Variants in GAREM1 observed in about 807,000 individuals in gnomAD.
The protein encoded by GAREM1 is GRB2 associated regulator of MAPK1 subtype 1, also known as GRB2-associated and regulator of MAPK protein 1.
GAREM1 carries 26 observed loss-of-function variants against 71.3 expected under a neutral mutation model. The observed-to-expected ratio is 0.36, with a 90% CI of 0.27 to 0.51. GAREM1 has a LOEUF of 0.51. Among genes scored for constraint, GAREM1 ranks in the 20% least tolerant of loss-of-function variants. The pLI is 0.95. For missense variants in GAREM1, 1,026 were observed against 1,103.1 expected (o/e 0.93, Z 0.99); for synonymous variants, 440 against 433.2 (o/e 1.02, Z -0.20).
rs532259529 is a variant in GAREM1, at chr18:32,320,711, G to C, written c.263-10388C>G. Among the ~76,000 whole-genome samples, 164 of 152,256 alleles carry C rather than the reference G, an allele frequency of 1.1e-3. 1 individual carries two copies. Among genetic ancestry groups the C allele is most frequent in the African/African-American group, 3.7e-3 (153 of 41,532 alleles). ...CCATTCTTGAACTTAACTAGGCCCAGAATTCAAAACTCAACCATTCTGGGA... is the reference window on the plus strand; with the variant it reads ...CCATTCTTGAACTTAACTAGGCCCACAATTCAAAACTCAACCATTCTGGGA... On this transcript the variant is annotated intron_variant, in intron 2 of 5. Transcript: ENST00000269209.
chr18:32,272,555 AGTT>A, intron 4 of GAREM1, among the ~76,000 whole-genome samples: 1 of 152,228 alleles, frequency 6.6e-6, no homozygotes, highest in Non-Finnish European at 1.5e-5. Flanking sequence ...GAGGAAATGA[AGTT>A]TGGATAATCA....
chr18:32,271,930 T>A (rs1019634335), intron 4 of GAREM1, among the ~76,000 whole-genome samples: 11 of 152,206 alleles, frequency 7.2e-5, no homozygotes, highest in Non-Finnish European at 1.6e-4. Flanking sequence ...TACCCTAAGC[T>A]ATAGAGGTAA....
chr18:32,339,435 A>T (rs141300618), intron 2 of GAREM1, among the ~76,000 whole-genome samples: 41 of 152,322 alleles, frequency 2.7e-4, no homozygotes, highest in African/African-American at 9.9e-4. Context: ...GGCCTCTAAG[A>T]AAAACTTCTG....
At chr18:32,358,301 G>A (rs1015031740) in intron 2 of GAREM1, among the ~76,000 whole-genome samples, 46 of 152,084 alleles carry the variant, frequency 3.0e-4, no homozygotes, top group African/African-American at 1.1e-3. Flanking sequence ...GCAGGGGAAG[G>A]GAACTGCCTG....
chr18:32,358,517 G>A (rs2047828657), intron 2 of GAREM1, among the ~76,000 whole-genome samples: 1 of 152,092 alleles, frequency 6.6e-6, no homozygotes, highest in South Asian at 2.1e-4. Flanking sequence ...TCTCTGTTGT[G>A]AAGTATTGAT....
In GAREM1 at chr18:32,351,086, A is replaced by G. The variant is rs562222840; in HGVS notation, c.263-40763T>C. On this transcript the variant is annotated intron_variant, in intron 2 of 5. Coordinates refer to ENST00000269209, the MANE Select transcript of GAREM1 (RefSeq NM_001242409.2). Reference sequence around the variant, plus strand: ...CTGATTCCTCAATTTCTAATTTTGTATGGTGTACTGGTGTATTTCCTAACA... The same window carrying G: ...CTGATTCCTCAATTTCTAATTTTGTGTGGTGTACTGGTGTATTTCCTAACA... 2.0e-3 allele frequency among the ~76,000 whole-genome samples: 300 copies of G among 152,228 alleles called. 2 individuals are homozygous for G. The highest frequency in any genetic ancestry group is 7.1e-3 in the African/African-American group (296 of 41,556).
intron 1 of GAREM1, among the ~76,000 whole-genome samples, chr18:32,421,347 C>A (rs187672397): frequency 2.0e-3 from 309 of 152,300 alleles, no homozygotes; most frequent in African/African-American, 6.8e-3. Flanking sequence ...GGTCCATTCT[C>A]TTCTGCACAT....
At position 32,268,745 on chromosome 18, in the gene GAREM1, T is replaced by G. The variant is rs976152270; in HGVS notation, c.1757A>C (p.Asn586Thr). Residue 586 changes from asparagine (N) to threonine (T), a missense_variant, in exon 6 of 6, where the codon AAT (asparagine) becomes ACT (threonine). This residue lies in a region of GAREM1 where 636 missense variants were observed against 631.2 expected (regional missense o/e 1.01). Transcript: ENST00000269209. ...HNISVTKTDTNPSESTPVSCY... is the reference protein window; with the variant it reads ...HNISVTKTDTTPSESTPVSCY... Reference sequence around the variant, plus strand: ...GGAAACAGGAGTGCTTTCAGAAGGATTTGTGTCAGTTTTAGTGACGCTGCT... The same window carrying G: ...GGAAACAGGAGTGCTTTCAGAAGGAGTTGTGTCAGTTTTAGTGACGCTGCT... 6 of 1,613,812 alleles carry G rather than the reference T, an allele frequency of 3.7e-6. No homozygotes were observed. The highest frequency in any genetic ancestry group is 5.1e-6 in the Non-Finnish European group (6 of 1,179,746).
intron 2 of GAREM1, among the ~76,000 whole-genome samples, chr18:32,369,766 C>T (rs2047959167): frequency 6.6e-6 from 1 of 152,182 alleles, no homozygotes; most frequent in South Asian, 2.1e-4. Flanking sequence ...TACCCTTAGG[C>T]TTCTTAGCAT....
intron 2 of GAREM1, among the ~76,000 whole-genome samples, chr18:32,384,917 T>G (rs930940569): frequency 6.6e-6 from 1 of 152,078 alleles, no homozygotes; most frequent in Non-Finnish European, 1.5e-5. Context: ...TTACCCTCTA[T>G]CTGACCACAA....
chr18:32,432,390 C>A (rs1260455935), intron 1 of GAREM1, among the ~76,000 whole-genome samples: 1 of 151,550 alleles, frequency 6.6e-6, no homozygotes, highest in Non-Finnish European at 1.5e-5. Flanking sequence ...CGAAAGCAAT[C>A]CAAAAGAAAG....
intron 1 of GAREM1, among the ~76,000 whole-genome samples, chr18:32,430,404 T>C (rs1485965758): frequency 6.6e-6 from 1 of 152,206 alleles, no homozygotes. Context: ...CTCTAGTTGC[T>C]AAACTTGTTT....
At chr18:32,391,318 C>T (rs1032931180) in intron 2 of GAREM1, among the ~76,000 whole-genome samples, 1 of 152,070 alleles carries the variant, frequency 6.6e-6, no homozygotes, top group African/African-American at 2.4e-5. Context: ...GAGAAGTAGA[C>T]CAGAACCAGC....
chr18:32,366,954 T>C (rs575355795), intron 2 of GAREM1, among the ~76,000 whole-genome samples: 47 of 152,320 alleles, frequency 3.1e-4, no homozygotes, highest in African/African-American at 1.1e-3. Flanking sequence ...GTGAACACCC[T>C]GTCAAAAAGT....
In GAREM1 at chr18:32,263,904, C is replaced by T. The variant is rs916066629; in HGVS notation, c.*3967G>A. The T allele has an allele frequency of 1.5e-4, 23 of 152,220 alleles. No homozygotes were observed. Among genetic ancestry groups the T allele is most frequent in the African/African-American group, 4.8e-4 (20 of 41,532 alleles). 9.4% of individuals were successfully genotyped at this position (152,220 alleles called of 1,614,324 possible). On this transcript the variant is annotated 3_prime_UTR_variant, in exon 6 of 6. Transcript: ENST00000269209. ...TGAGATTGTAAACAAAGGAAATTTG[C>T]GATCTGATAAGCTCTATTACAAAAT...
At chr18:32,460,713 C>T (rs576966047) in intron 1 of GAREM1, among the ~76,000 whole-genome samples, 2 of 152,144 alleles carry the variant, frequency 1.3e-5, no homozygotes, top group Non-Finnish European at 2.9e-5. Context: ...AAGTAAAATC[C>T]GTGGTGCCCA....
chr18:32,436,241 G>GT (rs1427520162), intron 1 of GAREM1, among the ~76,000 whole-genome samples: 2 of 152,154 alleles, frequency 1.3e-5, no homozygotes, highest in African/African-American at 4.8e-5. Flanking sequence ...GAAAAGGGAT[G>GT]TAAGAAATGC....
At chr18:32,305,481 A>C (rs2047244741) in intron 3 of GAREM1, among the ~76,000 whole-genome samples, 1 of 152,086 alleles carries the variant, frequency 6.6e-6, no homozygotes, top group Non-Finnish European at 1.5e-5. Flanking sequence ...TTGGGGCTAC[A>C]CTTCTATTCA....
Position 32,265,326 on chromosome 18 carries a change from C to T in GAREM1, c.*2545G>A, listed in dbSNP as rs16962941. ...CAATGAGAGAGATACTTTCTGCCTC[C>T]AACACATTCCAAGTTTTAGTGATCT... is the stretch of plus-strand genomic sequence containing the variant. On this transcript the variant is annotated 3_prime_UTR_variant, in exon 6 of 6. Transcript: ENST00000269209. The T allele has an allele frequency of 0.07, 10,613 of 152,236 alleles. 785 individuals carry two copies. Among genetic ancestry groups the T allele is most frequent in the African/African-American group, 0.18 (7,548 of 41,494 alleles). The allele number at this position is 152,236 out of a possible 1,614,324, so 9.4% of individuals were successfully genotyped here. A position where few individuals can be genotyped will look rare whatever the true frequency, so the allele number is the denominator to read the frequency against.
Sources: allele counts gnomAD v4.1 joint callset (sites outside exome capture counted in the v4.1 genomes callset), GRCh38; gene constraint gnomAD v4.1.1; regional missense constraint gnomAD v4.1.1; transcripts MANE v1.5; gene names NCBI Gene and HGNC (gene_info 2026-07-23, HGNC 2026-07-21).